Variants in TNKS observed in about 807,000 individuals in gnomAD.
The protein encoded by TNKS is poly [ADP-ribose] polymerase tankyrase-1.
A neutral mutation model predicts 135.8 loss-of-function variants in TNKS; 72 were observed. The ratio of observed to expected loss-of-function variants is 0.53; its 90% CI spans 0.44 to 0.64. The LOEUF is 0.64. TNKS is among the 30% of genes least tolerant of loss of function. The pLI is 0.00. For synonymous variants in TNKS, 849 were observed against 649.3 expected (o/e 1.31, Z -4.68); for missense variants, 1,769 against 1,674.0 (o/e 1.06, Z -0.99).
intron 3 of TNKS, 24 bp from the exon 4 acceptor site, chr8:9,679,927 G>A: frequency 6.2e-7 from 1 of 1,602,436 alleles, no homozygotes; most frequent in Non-Finnish European, 8.5e-7. Context: ...AATGCTAACA[G>A]CATGATATTT....
chr8:9,717,370 C>G (rs959338177), intron 11 of TNKS, among the ~76,000 whole-genome samples: 5 of 151,732 alleles, frequency 3.3e-5, no homozygotes, highest in Non-Finnish European at 4.4e-5. Context: ...TTGTAAAACA[C>G]CTGTAAAAAC....
At chr8:9,701,704 A>G (rs186339018) in intron 5 of TNKS, among the ~76,000 whole-genome samples, 3 of 152,344 alleles carry the variant, frequency 2.0e-5, no homozygotes, top group Admixed American at 6.5e-5. Flanking sequence ...ACCGCCTCCA[A>G]AGAATTTCCA....
chr8:9,660,141 C>T (rs1274167483), intron 3 of TNKS, among the ~76,000 whole-genome samples: 13 of 152,256 alleles, frequency 8.5e-5, no homozygotes, highest in Admixed American at 2.0e-4. Flanking sequence ...GATTCACAGC[C>T]GAATTCTACC....
At chr8:9,660,503 T>C (rs1312897620) in intron 3 of TNKS, among the ~76,000 whole-genome samples, 1 of 152,158 alleles carries the variant, frequency 6.6e-6, no homozygotes, top group Non-Finnish European at 1.5e-5. Context: ...ATTATCTCAA[T>C]AGATGCAGAA....
intron 17 of TNKS, among the ~76,000 whole-genome samples, chr8:9,740,120 G>C (rs1286396163): frequency 6.9e-6 from 1 of 145,556 alleles, no homozygotes; most frequent in Non-Finnish European, 1.5e-5. Flanking sequence ...GTCATCAGTT[G>C]TAAGAGGAAG....
chr8:9,709,116 G>C (rs1221812487), intron 9 of TNKS, among the ~76,000 whole-genome samples: 1 of 152,126 alleles, frequency 6.6e-6, no homozygotes, highest in African/African-American at 2.4e-5. Flanking sequence ...TGTGATGCCT[G>C]CATCACAGAC....
intron 3 of TNKS, among the ~76,000 whole-genome samples, chr8:9,662,068 G>C (rs141065770): frequency 6.6e-6 from 1 of 152,154 alleles, no homozygotes. Flanking sequence ...TTAGAATGGC[G>C]ATCATTAAGA....
At chr8:9,566,093 A>T (rs529243768) in intron 1 of TNKS, among the ~76,000 whole-genome samples, 21 of 152,270 alleles carry the variant, frequency 1.4e-4, no homozygotes, top group African/African-American at 4.8e-4. Flanking sequence ...CAGTCATGTT[A>T]ATAAGATGTG....
At chr8:9,731,682 C>CT (rs1288391506) in intron 14 of TNKS, among the ~76,000 whole-genome samples, 1 of 152,208 alleles carries the variant, frequency 6.6e-6, no homozygotes, top group Non-Finnish European at 1.5e-5. Flanking sequence ...TTGCAGTTTA[C>CT]TTTTTTCCAC....
chr8:9,723,467 T>TGTA (rs1805007923), intron 12 of TNKS, among the ~76,000 whole-genome samples: 1 of 152,206 alleles, frequency 6.6e-6, no homozygotes, highest in Non-Finnish European at 1.5e-5. Context: ...CTCTCAAGTC[T>TGTA]GTAGTTGCCA....
chr8:9,706,149 T>G, intron 6 of TNKS, 38 bp from the exon 7 acceptor site: 2 of 1,487,696 alleles, frequency 1.3e-6, no homozygotes, highest in Non-Finnish European at 1.8e-6. Context: ...ATAAGTTGTT[T>G]GAAATTTAAG....
intron 5 of TNKS, among the ~76,000 whole-genome samples, chr8:9,694,829 T>C (rs535959040): frequency 2.8e-4 from 42 of 151,896 alleles, no homozygotes; most frequent in Non-Finnish European, 5.0e-4. Context: ...ATATGGAACA[T>C]TGGTATTTTG....
At chr8:9,710,823 G>A (rs965620014) in intron 11 of TNKS, among the ~76,000 whole-genome samples, 2 of 152,174 alleles carry the variant, frequency 1.3e-5, no homozygotes, top group African/African-American at 4.8e-5. Context: ...ATGAACCTGG[G>A]AGGCGAAGCT....
At chr8:9,679,474 A>G (rs945244955) in intron 3 of TNKS, among the ~76,000 whole-genome samples, 4 of 152,000 alleles carry the variant, frequency 2.6e-5, no homozygotes, top group African/African-American at 9.7e-5. Context: ...ATAGTAATTA[A>G]TGTTTTTTTT....
intron 2 of TNKS, 67 bp from the exon 3 acceptor site, chr8:9,615,515 C>A (rs552055421): frequency 1.1e-4 from 143 of 1,319,626 alleles, no homozygotes; most frequent in Non-Finnish European, 1.4e-4. Context: ...CATGCCGAGA[C>A]GACACTTACC....
At chr8:9,610,880 T>G (rs1291306838) in intron 2 of TNKS, among the ~76,000 whole-genome samples, 1 of 152,230 alleles carries the variant, frequency 6.6e-6, no homozygotes, top group Non-Finnish European at 1.5e-5. Flanking sequence ...TCTAGGAATT[T>G]AACAGAATGA....
At chr8:9,578,133 G>A (rs1038543042) in intron 1 of TNKS, among the ~76,000 whole-genome samples, 2 of 152,184 alleles carry the variant, frequency 1.3e-5, no homozygotes, top group Non-Finnish European at 2.9e-5. Context: ...CTGTGGCTTT[G>A]CAGGAGTCAG....
chr8:9,674,501 A>T (rs942293985), intron 3 of TNKS, among the ~76,000 whole-genome samples: 1 of 152,208 alleles, frequency 6.6e-6, no homozygotes, highest in Admixed American at 6.5e-5. Context: ...ATGCTCATTA[A>T]AAACACTGCA....
intron 26 of TNKS, among the ~76,000 whole-genome samples, chr8:9,772,711 C>T (rs965076191): frequency 6.6e-6 from 1 of 151,682 alleles, no homozygotes; most frequent in East Asian, 1.9e-4. Flanking sequence ...GGCAATATGT[C>T]TATGCTTAGA....
Sources: gnomAD v4.1 joint callset for allele counts (sites outside exome capture counted in the v4.1 genomes callset) on GRCh38, gnomAD v4.1.1 for gene constraint, MANE v1.5 for transcripts, NCBI Gene and HGNC (gene_info 2026-07-23, HGNC 2026-07-21) for gene names.